The following TCN2 variants were observed in gnomAD, a reference collection of about 807,000 sequenced individuals.
TCN2 encodes the protein transcobalamin-2.
A neutral mutation model predicts 48.6 loss-of-function variants in TCN2; 34 were observed. The observed-to-expected ratio is 0.70, with a 90% confidence interval of 0.53 to 0.93. TCN2 has a LOEUF of 0.93. TCN2 is among the 40% of genes least tolerant of loss of function. The probability of loss-of-function intolerance (pLI) is 0.00; values close to 1 mark genes in which losing one functional copy is unlikely to be tolerated. For synonymous variants in TCN2, 283 were observed against 212.5 expected (o/e 1.33, Z -2.89); for missense variants, 652 against 526.1 (o/e 1.24, Z -2.34).
Position 30,623,823 on chromosome 22 carries a change from TACACAC to T in TCN2, c.1222+744_1222+749del, listed in dbSNP as rs766122077. Among the ~76,000 whole-genome samples, 14 of 49,426 alleles carry T rather than the reference TACACAC, an allele frequency of 2.8e-4. 2 individuals are homozygous for T. Among genetic ancestry groups the T allele is most frequent in the East Asian group, 3.5e-4 (1 of 2,896 alleles). 32.4% of individuals were successfully genotyped at this position (49,426 alleles called of 152,430 possible). ...ACACATACACATATATACACACACA[TACACAC>T]ACATATACACACACATACATACACA... On this transcript the variant is annotated intron_variant, in intron 8 of 8. Transcript: ENST00000215838.
rs565502810 is a variant in TCN2, at chr22:30,612,531, CAA to C, written c.258-341_258-340del. 3.0e-3 allele frequency among the ~76,000 whole-genome samples: 449 copies of C among 151,978 alleles called. 1 individual carries two copies. The highest frequency in any genetic ancestry group is 9.7e-3 in the African/African-American group (402 of 41,418). ...TGCCACTGCACTCCAGCCTGGGCAA[CAA>C]GAGCGAAACTCTGTCTCAAAGAAAA... On this transcript the variant is annotated intron_variant, in intron 2 of 8. Transcript: ENST00000215838.
At chr22:30,610,254 A>G (rs535804305) in intron 1 of TCN2, 1 of 471,188 alleles carries the variant, frequency 2.1e-6, no homozygotes, top group African/African-American at 2.0e-5. Flanking sequence ...GAAAGGCGTT[A>G]TTTTGAGATC....
At chr22:30,620,592 G>C (rs1182793985) in intron 7 of TCN2, among the ~76,000 whole-genome samples, 1 of 152,256 alleles carries the variant, frequency 6.6e-6, no homozygotes, top group Non-Finnish European at 1.5e-5. Flanking sequence ...CATAGGCTGA[G>C]TGCCCTTGGG....
intron 3 of TCN2, among the ~76,000 whole-genome samples, chr22:30,613,721 C>T (rs2087572785): frequency 6.6e-6 from 1 of 152,182 alleles, no homozygotes. Context: ...ATACAACAGC[C>T]AGAGCCAGCC....
rs2145542793 is a variant in TCN2, at chr22:30,614,395, C to T, written c.474C>T (p.Gly158=). The part of the protein sequence containing the change: ...GHPHTSYYQY[G]LGILALCLHQ... ...CCCACACTAGCTACTACCAGTATGG[C>T]CTGGGCATTCTGGCCCTGTGTCTCC... is the stretch of plus-strand genomic sequence containing the variant. Residue 158 remains glycine, a synonymous_variant, in exon 4 of 9, where the codon GGC becomes GGT. Coordinates refer to ENST00000215838, the MANE Select transcript of TCN2 (RefSeq NM_000355.4). 6.2e-7 allele frequency: 1 copy of T among 1,614,182 alleles called. No individual in the cohort carries two copies. Among genetic ancestry groups the T allele is most frequent in the Non-Finnish European group, 8.5e-7 (1 of 1,180,030 alleles).
At chr22:30,616,564 G>C (rs1226549645) in intron 6 of TCN2, among the ~76,000 whole-genome samples, 1 of 151,894 alleles carries the variant, frequency 6.6e-6, no homozygotes, top group Non-Finnish European at 1.5e-5. Context: ...ACTCTGGGAA[G>C]CTGAGGCAGA....
rs1414047053 is a variant in TCN2, at chr22:30,614,367, A to G, written c.446A>G (p.His149Arg). The G allele has an allele frequency of 6.2e-7, 1 of 1,613,708 alleles. No individual in the cohort carries two copies. The highest frequency in any genetic ancestry group is 8.5e-7 in the Non-Finnish European group (1 of 1,179,940). ...KRAIGHDHKGHPHTSYYQYGL... is the reference protein window; with the variant it reads ...KRAIGHDHKGRPHTSYYQYGL... ...CTCTCAGGGCATGATCACAAGGGCCACCCCCACACTAGCTACTACCAGTAT... is the reference window on the plus strand; with the variant it reads ...CTCTCAGGGCATGATCACAAGGGCCGCCCCCACACTAGCTACTACCAGTAT... Residue 149 changes from histidine to arginine, a missense_variant, in exon 4 of 9, where the codon CAC (histidine) becomes CGC (arginine). Transcript: ENST00000215838.
intron 3 of TCN2, among the ~76,000 whole-genome samples, 189 bp downstream of exon 3, chr22:30,613,231 C>T (rs552248131): frequency 1.2e-4 from 18 of 152,256 alleles, no homozygotes; most frequent in South Asian, 6.2e-4. Context: ...GCTTTTCCCG[C>T]GCTGCACACA....
At chr22:30,625,446 C>A (rs1401873495) in intron 8 of TCN2, among the ~76,000 whole-genome samples, 3 of 151,902 alleles carry the variant, frequency 2.0e-5, no homozygotes, top group African/African-American at 4.8e-5. Flanking sequence ...CTGAAGGAAC[C>A]TCTTTTATAA....
At position 30,623,939 on chromosome 22, in the gene TCN2, C is replaced by CACACACACATATGTATACATATAT. The variant is rs1569046906; in HGVS notation, c.1222+869_1222+892dup. Among the ~76,000 whole-genome samples, 9 of 35,860 alleles carry CACACACACATATGTATACATATAT rather than the reference C, an allele frequency of 2.5e-4. 2 individuals carry two copies. Among genetic ancestry groups the CACACACACATATGTATACATATAT allele is most frequent in the Non-Finnish European group, 3.9e-4 (9 of 23,028 alleles). 23.5% of individuals were successfully genotyped at this position (35,860 alleles called of 152,430 possible). ...ACACATATATATGTATACATATATA[C>CACACACACATATGTATACATATAT]ACACACACATATGTATACATATATA... is the stretch of plus-strand genomic sequence containing the variant. On this transcript the variant is annotated intron_variant, in intron 8 of 8. Transcript: ENST00000215838.
intron 8 of TCN2, among the ~76,000 whole-genome samples, chr22:30,623,461 T>G (rs4820022): frequency 0.018 from 2,713 of 152,042 alleles, 40 homozygotes; most frequent in Middle Eastern, 0.041. Flanking sequence ...CATGTGATTC[T>G]TCCACCTCAG....
At chr22:30,617,189 T>A (rs1296411203) in intron 6 of TCN2, 141 bp from the exon 7 acceptor site, 1 of 1,155,556 alleles carries the variant, frequency 8.7e-7, no homozygotes, top group East Asian at 2.6e-5. Context: ...AGGTTTCAGC[T>A]GAGCAGGTGG....
chr22:30,610,090 T>G (rs766337989), intron 1 of TCN2: 7 of 417,194 alleles, frequency 1.7e-5, no homozygotes, highest in Non-Finnish European at 2.9e-5. Context: ...CTTGGAACTA[T>G]CCCTAAGGCT....
chr22:30,607,732 C>G (rs1269797157), intron 1 of TCN2, among the ~76,000 whole-genome samples: 1 of 151,982 alleles, frequency 6.6e-6, no homozygotes, highest in Non-Finnish European at 1.5e-5. Flanking sequence ...GGAAGGGGGA[C>G]AGACAAAAGA....
At position 30,617,377 on chromosome 22, in the gene TCN2, A is replaced by T; in HGVS notation, c.988A>T (p.Ile330Phe). 6.2e-7 allele frequency: 1 copy of T among 1,614,170 alleles called. No individual in the cohort carries two copies. The highest frequency in any genetic ancestry group is 8.5e-7 in the Non-Finnish European group (1 of 1,180,018). The change falls in exon 7 of 9, where the codon ATC becomes TTC. Residue 330 changes from isoleucine (I) to phenylalanine (F), a missense_variant. Ile to Phe is a conservative substitution (Grantham distance 21). Transcript: ENST00000215838. ...AETIPQTQEIISVTLQVLSLL... is the reference protein window; with the variant it reads ...AETIPQTQEIFSVTLQVLSLL... The stretch of plus-strand genomic sequence containing the variant: ...GACCATTCCTCAGACCCAAGAGATC[A>T]TCAGTGTCACGCTGCAGGTGCTTAG...
chr22:30,618,167 C>T (rs999442906), intron 7 of TCN2, among the ~76,000 whole-genome samples: 21 of 142,460 alleles, frequency 1.5e-4, no homozygotes, highest in African/African-American at 4.2e-4. Flanking sequence ...CCAGGCTGGT[C>T]TCAAATTCCT....
chr22:30,626,381 G>GT lies in TCN2; in HGVS notation c.1223-78dup. 2.0e-6 allele frequency: 3 copies of GT among 1,474,372 alleles called. No homozygotes were observed. The South Asian group carries it at 3.4e-5, about 17-fold the overall frequency. 91.3% of individuals were successfully genotyped at this position (1,474,372 alleles called of 1,614,324 possible). On this transcript the variant is annotated intron_variant, in intron 8 of 8. Coordinates refer to ENST00000215838, the MANE Select transcript of TCN2 (RefSeq NM_000355.4). ...GATTCTTACAGACTCTAGCCTCAGGGTGGGGGGTCTGGAAGATGAGGTTGC... is the reference window on the plus strand; with the variant it reads ...GATTCTTACAGACTCTAGCCTCAGGGTTGGGGGGTCTGGAAGATGAGGTTGC...
In TCN2 at chr22:30,623,835, T is replaced by C. The variant is rs1322535414; in HGVS notation, c.1222+752T>C. ...ATATACACACACATACACACACATA[T>C]ACACACACATACATACACATACATA... On this transcript the variant is annotated intron_variant, in intron 8 of 8. Coordinates refer to ENST00000215838, the MANE Select transcript of TCN2 (RefSeq NM_000355.4). Among the ~76,000 whole-genome samples the C allele has an allele frequency of 1.7e-4, 11 of 65,188 alleles. 3 individuals are homozygous for C. The highest frequency in any genetic ancestry group is 1.6e-3 in the South Asian group (5 of 3,142). The allele number at this position is 65,188 out of a possible 152,430, so 42.8% of individuals were successfully genotyped here.
rs567457027 is a variant in TCN2 at position 30,615,765 on chromosome 22, C to T, written c.918C>T (p.Phe306=). 16 of 1,614,232 alleles carry T rather than the reference C, an allele frequency of 9.9e-6. No individual in the cohort carries two copies. Among genetic ancestry groups the T allele is most frequent in the African/African-American group, 2.7e-5 (2 of 75,060 alleles). ...LNHKTYIDLI[F]PDCLAPRVML... ...ACAAGACCTACATTGATCTGATCTT[C>T]CCAGACTGTCTGGCACCACGAGGTA... is the stretch of plus-strand genomic sequence containing the variant. Residue 306 remains phenylalanine, a synonymous_variant, in exon 6 of 9, where the codon TTC becomes TTT. Coordinates refer to ENST00000215838, the MANE Select transcript of TCN2 (RefSeq NM_000355.4).
Sources: allele counts gnomAD v4.1 joint callset (sites outside exome capture counted in the v4.1 genomes callset), GRCh38; gene constraint gnomAD v4.1.1; transcripts MANE v1.5; gene names NCBI Gene and HGNC (gene_info 2026-07-23, HGNC 2026-07-21).